The following USP2 variants were observed in gnomAD, a reference collection of about 807,000 sequenced individuals.
The protein encoded by USP2 is ubiquitin specific peptidase 2, also known as ubiquitin carboxyl-terminal hydrolase 2.
USP2 carries 33 observed loss-of-function variants against 72.0 expected under a neutral mutation model. The ratio of observed to expected loss-of-function variants is 0.46; its 90% CI spans 0.35 to 0.61. The LOEUF is 0.61. Among genes scored for constraint, USP2 ranks in the 20% least tolerant of loss-of-function variants. The pLI is 0.01. For missense variants in USP2, 691 were observed against 797.8 expected (o/e 0.87, Z 1.61); for synonymous variants, 296 against 312.5 (o/e 0.95, Z 0.56).
At chr11:119,362,461 C>G (rs770996622) in intron 2 of USP2, among the ~76,000 whole-genome samples, 8 of 151,992 alleles carry the variant, frequency 5.3e-5, no homozygotes, top group Non-Finnish European at 1.2e-4. Context: ...TTCCTCAGCT[C>G]AAAACCACAT....
At chr11:119,381,309 C>T (rs1196608030) in intron 1 of USP2, among the ~76,000 whole-genome samples, 164 bp downstream of exon 1, 2 of 152,196 alleles carry the variant, frequency 1.3e-5, no homozygotes, top group African/African-American at 4.8e-5. Context: ...GCAGCCCTCA[C>T]ACAACTGGCA....
Position 119,381,530 on chromosome 11 carries a change from G to A in USP2, c.-99C>T. 6.5e-7 allele frequency: 1 copy of A among 1,536,162 alleles called. No individual in the cohort carries two copies. On this transcript the variant is annotated 5_prime_UTR_variant, in exon 1 of 13. Coordinates refer to ENST00000260187, the MANE Select transcript of USP2 (RefSeq NM_004205.5). ...CGGGCACAAGCATGGAGCTGCGGGTGAGTCCCGGCTGGCGCTGGCGCGGCG... is the reference window on the plus strand; with the variant it reads ...CGGGCACAAGCATGGAGCTGCGGGTAAGTCCCGGCTGGCGCTGGCGCGGCG...
intron 2 of USP2, among the ~76,000 whole-genome samples, chr11:119,363,092 G>A (rs1457721289): frequency 6.6e-6 from 1 of 152,230 alleles, no homozygotes; most frequent in Non-Finnish European, 1.5e-5. Flanking sequence ...TGTGGTGAGG[G>A]TCGCCCCAAG....
chr11:119,357,162 G>A (rs1424902977), intron 12 of USP2, 25 bp downstream of exon 12: 7 of 1,612,076 alleles, frequency 4.3e-6, no homozygotes, highest in African/African-American at 1.3e-5. Flanking sequence ...ACAGCCAGGG[G>A]CTCCGGCCCT....
In USP2 at chr11:119,355,986, C is replaced by G. The variant is rs367795974; in HGVS notation, c.*849G>C. 1.3e-5 allele frequency: 2 copies of G among 151,612 alleles called. No individual in the cohort carries two copies. The highest frequency in any genetic ancestry group is 4.8e-5 in the African/African-American group (2 of 41,260). 9.4% of individuals were successfully genotyped at this position (151,612 alleles called of 1,614,324 possible). On this transcript the variant is annotated 3_prime_UTR_variant, in exon 13 of 13. Transcript: ENST00000260187. ...GATATTTCAGGAGGGGCAGTTACCC[C>G]CTGGTCCCCAAATGCTATAAGGCAC...
chr11:119,360,336 G>A, intron 2 of USP2, 102 bp from the exon 3 acceptor site: 1 of 1,156,622 alleles, frequency 8.6e-7, no homozygotes, highest in Non-Finnish European at 1.3e-6. Context: ...ACAGGCAGCA[G>A]GCCACACATA....
intron 2 of USP2, among the ~76,000 whole-genome samples, chr11:119,367,603 C>T (rs1230348203): frequency 6.6e-6 from 1 of 152,166 alleles, no homozygotes; most frequent in Admixed American, 6.5e-5. Context: ...GTCAGCCCAT[C>T]CTCCCCACTC....
At chr11:119,378,818 G>A (rs1211432999) in intron 1 of USP2, among the ~76,000 whole-genome samples, 2 of 152,148 alleles carry the variant, frequency 1.3e-5, no homozygotes, top group Non-Finnish European at 2.9e-5. Flanking sequence ...GAGAGCCCCG[G>A]TCTCCTTCCT....
Position 119,357,188 on chromosome 11 carries a change from T to C in USP2, c.1729A>G (p.Ser577Gly), listed in dbSNP as rs1315695037. 6.2e-7 allele frequency: 1 copy of C among 1,613,112 alleles called. No homozygotes were observed. Among genetic ancestry groups the C allele is most frequent in the Non-Finnish European group, 8.5e-7 (1 of 1,179,788 alleles). ...CTCCGGCCCTGCCCTGGCTCTCACC[T>C]GGAGTCGTTGAAAGTGTGCCATTCT... ...TGEWHTFNDS[S>G]VTPMSSSQVR... The change falls in exon 12 of 13, where the codon AGC (serine) becomes GGC (glycine). Residue 577 changes from serine (S) to glycine (G), a missense_variant and splice_region_variant. Physicochemically the swap from Ser to Gly is moderately conservative, Grantham distance 56 (BLOSUM62 0). Coordinates refer to ENST00000260187, the MANE Select transcript of USP2 (RefSeq NM_004205.5).
At chr11:119,378,171 G>C (rs1314597982) in intron 1 of USP2, among the ~76,000 whole-genome samples, 1 of 152,056 alleles carries the variant, frequency 6.6e-6, no homozygotes, top group Non-Finnish European at 1.5e-5. Flanking sequence ...GACAAGGTGG[G>C]TGAGAGGGGG....
chr11:119,355,756 G>T lies in USP2; in HGVS notation c.*1079C>A. 6.6e-6 allele frequency: 1 copy of T among 152,364 alleles called. No individual in the cohort carries two copies. The allele number at this position is 152,364 out of a possible 1,614,324, so 9.4% of individuals were successfully genotyped here. A position where few individuals can be genotyped will look rare whatever the true frequency, so the allele number is the denominator to read the frequency against. ...GGGAGAGAAGCTCTAGGGACGAGGG[G>T]CTTGTGCTATCCTTCAAACAGCTGG... On this transcript the variant is annotated 3_prime_UTR_variant, in exon 13 of 13. Coordinates refer to ENST00000260187, the MANE Select transcript of USP2 (RefSeq NM_004205.5).
In USP2 at chr11:119,359,582, G is replaced by A. The variant is rs759815773; in HGVS notation, c.904C>T (p.Arg302Trp). 5.6e-6 allele frequency: 9 copies of A among 1,613,914 alleles called. No homozygotes were observed. The highest frequency in any genetic ancestry group is 1.7e-4 in the Middle Eastern group (1 of 6,060). ...RDYCLQRLYM[R>W]DLHHGSNAHT... is the part of the protein sequence containing the mutation. ...GCATTGCTGCCGTGGTGCAGGTCCC[G>A]CATGTAGAGCCTCTGGAGGCAGTAA... The change falls in exon 4 of 13, where the codon CGG becomes TGG. Residue 302 changes from arginine (R) to tryptophan (W), a missense_variant. Arg to Trp is a moderately radical substitution (Grantham distance 101). Transcript: ENST00000260187.
intron 2 of USP2, among the ~76,000 whole-genome samples, chr11:119,365,308 C>T (rs1265536405): frequency 1.3e-5 from 2 of 152,120 alleles, no homozygotes; most frequent in African/African-American, 4.8e-5. Context: ...GGCAGTACCC[C>T]AGGCCACCGA....
intron 3 of USP2, 46 bp downstream of exon 3, chr11:119,360,138 T>G (rs760711084): frequency 6.2e-7 from 1 of 1,604,632 alleles, no homozygotes; most frequent in Admixed American, 1.7e-5. Context: ...CCAGTCAGCA[T>G]AGTAGGGGGT....
intron 2 of USP2, among the ~76,000 whole-genome samples, chr11:119,362,893 A>T (rs983030056): frequency 6.6e-6 from 1 of 152,232 alleles, no homozygotes; most frequent in African/African-American, 2.4e-5. Context: ...TGTTGCAGGG[A>T]GCAGATGGCA....
intron 1 of USP2, among the ~76,000 whole-genome samples, chr11:119,379,928 T>TTTC: frequency 7.0e-6 from 1 of 142,154 alleles, no homozygotes; most frequent in Non-Finnish European, 1.5e-5. Flanking sequence ...TTTTTTTTTT[T>TTTC]TTTTTTTTGA....
chr11:119,377,242 A>G (rs1349009604), intron 1 of USP2, among the ~76,000 whole-genome samples: 2 of 152,154 alleles, frequency 1.3e-5, no homozygotes, highest in East Asian at 1.9e-4. Flanking sequence ...CCAAAGTCAC[A>G]CTGGGAGCAG....
At chr11:119,357,117 G>A (rs1231621562) in intron 12 of USP2, 70 bp downstream of exon 12, 15 of 1,474,836 alleles carry the variant, frequency 1.0e-5, no homozygotes, top group Admixed American at 7.5e-5. Context: ...TGGGTTTGGG[G>A]GGAGGGTGGA....
intron 2 of USP2, among the ~76,000 whole-genome samples, chr11:119,371,811 A>C (rs1239177027): frequency 1.3e-5 from 2 of 149,504 alleles, no homozygotes; most frequent in Non-Finnish European, 3.0e-5. Flanking sequence ...GTATCCACCC[A>C]CCCACCACCC....
Sources: allele counts gnomAD v4.1 joint callset (sites outside exome capture counted in the v4.1 genomes callset), GRCh38; gene constraint gnomAD v4.1.1; transcripts MANE v1.5; gene names NCBI Gene and HGNC (gene_info 2026-07-23, HGNC 2026-07-21).